The following XNDC1N variants were observed in gnomAD, a reference collection of about 807,000 sequenced individuals.
XNDC1N encodes the protein XRCC1 N-terminal domain containing 1, N-terminal like, also known as protein XNDC1N.
At chr11:71,895,749 G>C in the XNDC1N span, among the ~76,000 whole-genome samples, 1 of 152,198 alleles carries the variant, frequency 6.6e-6, no homozygotes, top group Non-Finnish European at 1.5e-5. Flanking sequence ...AATGGGCACA[G>C]TATCCCTGAA....
the XNDC1N span, among the ~76,000 whole-genome samples, chr11:71,923,918 G>C: frequency 1.3e-5 from 2 of 152,062 alleles, no homozygotes; most frequent in Non-Finnish European, 2.9e-5. Context: ...AGTAGGTTTG[G>C]ATCAGCTGAT....
the XNDC1N span, among the ~76,000 whole-genome samples, chr11:71,878,673 G>C: frequency 2.0e-5 from 3 of 152,118 alleles, no homozygotes; most frequent in Admixed American, 6.6e-5. Flanking sequence ...TAAATAAGGT[G>C]GTTCACTGCA....
chr11:71,890,610 C>T, the XNDC1N span, among the ~76,000 whole-genome samples: 1 of 152,082 alleles, frequency 6.6e-6, no homozygotes, highest in African/African-American at 2.4e-5. Context: ...GGGGTATACA[C>T]CACCTGCAAT....
At chr11:71,912,552 G>T in the XNDC1N span, among the ~76,000 whole-genome samples, 18 of 152,148 alleles carry the variant, frequency 1.2e-4, no homozygotes, top group Admixed American at 5.2e-4. Flanking sequence ...GACATTGGGA[G>T]TAACATCATC....
chr11:71,891,482 T>A, the XNDC1N span, among the ~76,000 whole-genome samples: 11 of 152,096 alleles, frequency 7.2e-5, no homozygotes, highest in East Asian at 2.1e-3. Flanking sequence ...CAAACCTGGA[T>A]GTTAGCAACC....
chr11:71,867,973 C>T, the XNDC1N span, among the ~76,000 whole-genome samples: 1 of 152,174 alleles, frequency 6.6e-6, no homozygotes, highest in East Asian at 1.9e-4. Flanking sequence ...GCACACTTGT[C>T]TTGGGTTCAT....
chr11:71,917,205 G>A, the XNDC1N span: 1 of 538,028 alleles, frequency 1.9e-6, no homozygotes, highest in East Asian at 3.2e-5. Context: ...GTAGAGATGG[G>A]ATTTCACCAT....
chr11:71,921,920 G>A, the XNDC1N span, among the ~76,000 whole-genome samples: 2 of 152,186 alleles, frequency 1.3e-5, no homozygotes, highest in Admixed American at 1.3e-4. Context: ...TCAGCACTCT[G>A]GGAGACCAAG....
At chr11:71,917,274 A>G in the XNDC1N span, 1 of 676,270 alleles carries the variant, frequency 1.5e-6, no homozygotes, top group Non-Finnish European at 2.7e-6. Flanking sequence ...CCAGTCTCCC[A>G]AAGTGCTGGG....
the XNDC1N span, among the ~76,000 whole-genome samples, chr11:71,898,914 A>T: frequency 6.6e-6 from 1 of 152,126 alleles, no homozygotes; most frequent in Non-Finnish European, 1.5e-5. Flanking sequence ...ATAATTTTTA[A>T]TATTTATATG....
At chr11:71,922,308 G>A in the XNDC1N span, among the ~76,000 whole-genome samples, 307 of 152,200 alleles carry the variant, frequency 2.0e-3, 2 homozygotes, top group Non-Finnish European at 3.5e-3. Flanking sequence ...TTGTTTGTTT[G>A]TTTGTTTGTT....
chr11:71,889,467 G>A, the XNDC1N span, among the ~76,000 whole-genome samples: 4 of 152,196 alleles, frequency 2.6e-5, no homozygotes, highest in Non-Finnish European at 5.9e-5. Context: ...TTCTTCTAAC[G>A]AAGAAAAGGA....
At chr11:71,887,125 A>G in the XNDC1N span, among the ~76,000 whole-genome samples, 21 of 152,216 alleles carry the variant, frequency 1.4e-4, no homozygotes, top group Non-Finnish European at 2.6e-4. Context: ...TCTGGTCACA[A>G]TGACAGTCGG....
At chr11:71,889,076 C>A in the XNDC1N span, among the ~76,000 whole-genome samples, 28 of 152,298 alleles carry the variant, frequency 1.8e-4, no homozygotes, top group African/African-American at 5.5e-4. Context: ...GAAGCCACAT[C>A]ATTGCCCCAG....
chr11:71,905,848 C>A, the XNDC1N span, among the ~76,000 whole-genome samples: 3 of 152,072 alleles, frequency 2.0e-5, no homozygotes, highest in East Asian at 1.9e-4. Flanking sequence ...CAAATATTAT[C>A]CCAGTGGGTG....
At chr11:71,880,773 G>A in the XNDC1N span, among the ~76,000 whole-genome samples, 3 of 152,218 alleles carry the variant, frequency 2.0e-5, no homozygotes, top group East Asian at 5.8e-4. Context: ...TTGACTCAAT[G>A]GTTGTTCAGA....
At chr11:71,902,769 G>A in the XNDC1N span, among the ~76,000 whole-genome samples, 12 of 152,274 alleles carry the variant, frequency 7.9e-5, no homozygotes, top group East Asian at 3.9e-4. Context: ...TATCAATCTC[G>A]TAGAATAAAT....
At chr11:71,872,575 A>C in the XNDC1N span, among the ~76,000 whole-genome samples, 1 of 152,006 alleles carries the variant, frequency 6.6e-6, no homozygotes, top group Non-Finnish European at 1.5e-5. Flanking sequence ...AATACCAAAA[A>C]AAAATAGCTG....
the XNDC1N span, among the ~76,000 whole-genome samples, chr11:71,905,024 T>A: frequency 6.6e-6 from 1 of 151,936 alleles, no homozygotes; most frequent in African/African-American, 2.4e-5. Flanking sequence ...ATTGTGACCT[T>A]AGTGGTAACA....
Sources: gnomAD v4.1 joint callset for allele counts (sites outside exome capture counted in the v4.1 genomes callset) on GRCh38, gnomAD v4.1.1 for gene constraint, MANE v1.5 for transcripts, NCBI Gene and HGNC (gene_info 2026-07-23, HGNC 2026-07-21) for gene names.